The following CAAP1 variants were observed in gnomAD, a reference collection of about 807,000 sequenced individuals.
CAAP1 encodes the protein conserved anti-apoptotic protein.
Under a neutral mutation model 34.0 loss-of-function variants are expected in CAAP1, and 20 were observed. The observed-to-expected ratio is 0.59, with a 90% CI of 0.41 to 0.86. The LOEUF (loss-of-function observed/expected upper bound fraction) is 0.86, where lower values mean the gene tolerates loss of function less well. Among genes scored for constraint, CAAP1 ranks in the 40% least tolerant of loss-of-function variants. CAAP1 has a pLI of 0.00. For missense variants in CAAP1, 538 were observed against 450.5 expected, an observed-to-expected ratio of 1.19 and a Z score of -1.76; for synonymous variants, 213 against 166.7, an observed-to-expected ratio of 1.28 and a Z score of -2.14.
intron 4 of CAAP1, among the ~76,000 whole-genome samples, chr9:26,865,481 G>T (rs111650233): frequency 0.022 from 3,352 of 151,856 alleles, 122 homozygotes; most frequent in African/African-American, 0.077. Flanking sequence ...CCAAGATCAT[G>T]CCATTGCACT....
chr9:26,870,038 ACTTT>A, intron 4 of CAAP1: 2 of 570,864 alleles, frequency 3.5e-6, no homozygotes, highest in Non-Finnish European at 4.4e-6. Context: ...AGAAAGAATA[ACTTT>A]TTTTTTTTTT....
At chr9:26,865,246 G>A (rs980640116) in intron 4 of CAAP1, among the ~76,000 whole-genome samples, 5 of 152,028 alleles carry the variant, frequency 3.3e-5, no homozygotes, top group South Asian at 4.2e-4. Flanking sequence ...GAAATTTGGC[G>A]AGGGGCAGTG....
intron 1 of CAAP1, among the ~76,000 whole-genome samples, chr9:26,892,091 T>C (rs555243587): frequency 6.6e-6 from 1 of 152,164 alleles, no homozygotes; most frequent in South Asian, 2.1e-4. Context: ...AGTGTTTGGC[T>C]CGCAAGGGAA....
chr9:26,853,192 C>T (rs956355213), intron 5 of CAAP1, among the ~76,000 whole-genome samples: 5 of 152,074 alleles, frequency 3.3e-5, no homozygotes, highest in African/African-American at 1.2e-4. Flanking sequence ...ACAGTGGGAT[C>T]AGGATGGAGA....
intron 5 of CAAP1, among the ~76,000 whole-genome samples, chr9:26,860,857 C>T (rs1822987250): frequency 6.6e-6 from 1 of 152,046 alleles, no homozygotes; most frequent in Non-Finnish European, 1.5e-5. Context: ...GATGATAATT[C>T]TGGTGGCTTC....
intron 5 of CAAP1, among the ~76,000 whole-genome samples, chr9:26,855,990 C>T (rs762597570): frequency 1.3e-5 from 2 of 152,146 alleles, no homozygotes; most frequent in Non-Finnish European, 2.9e-5. Context: ...TCTCAAAATA[C>T]TGAAATCTTT....
At chr9:26,888,803 A>T (rs1486503385) in intron 1 of CAAP1, among the ~76,000 whole-genome samples, 1 of 152,250 alleles carries the variant, frequency 6.6e-6, no homozygotes, top group African/African-American at 2.4e-5. Context: ...ACTTGTTCTT[A>T]ACAGCATTAT....
intron 5 of CAAP1, among the ~76,000 whole-genome samples, chr9:26,856,691 T>C (rs1026167314): frequency 5.9e-5 from 9 of 152,210 alleles, no homozygotes; most frequent in African/African-American, 2.2e-4. Flanking sequence ...AAAAATTTTG[T>C]CTAATGATAA....
intron 5 of CAAP1, among the ~76,000 whole-genome samples, chr9:26,857,638 CAAAA>C (rs1822904785): frequency 6.6e-6 from 1 of 151,898 alleles, no homozygotes; most frequent in African/African-American, 2.4e-5. Flanking sequence ...AAAACAAAAA[CAAAA>C]AAGAAAGAAA....
At chr9:26,849,882 A>G (rs1288577233) in intron 5 of CAAP1, among the ~76,000 whole-genome samples, 1 of 150,986 alleles carries the variant, frequency 6.6e-6, no homozygotes, top group Non-Finnish European at 1.5e-5. Context: ...TCTGTCGCCC[A>G]GGCTGGAGTG....
intron 2 of CAAP1, among the ~76,000 whole-genome samples, chr9:26,886,522 G>C (rs539099147): frequency 5.0e-4 from 76 of 152,260 alleles, no homozygotes; most frequent in African/African-American, 1.8e-3. Flanking sequence ...TGTATCTTTA[G>C]ATATATGATC....
intron 5 of CAAP1, 147 bp from the exon 6 acceptor site, chr9:26,842,794 TC>T: frequency 1.7e-6 from 1 of 599,198 alleles, no homozygotes; most frequent in Non-Finnish European, 2.9e-6. Context: ...CACCCTCTTT[TC>T]CCCTGACTCC....
At chr9:26,878,346 T>C (rs1823497293) in intron 4 of CAAP1, among the ~76,000 whole-genome samples, 1 of 152,200 alleles carries the variant, frequency 6.6e-6, no homozygotes, top group South Asian at 2.1e-4. Context: ...TTTATGTATA[T>C]GGTCATTATG....
intron 5 of CAAP1, among the ~76,000 whole-genome samples, chr9:26,852,821 C>T (rs1822783274): frequency 6.6e-6 from 1 of 151,992 alleles, no homozygotes; most frequent in African/African-American, 2.4e-5. Context: ...TTAGTATCAA[C>T]TAGTTTAGAC....
At position 26,861,270 on chromosome 9, in the gene CAAP1, T is replaced by G. The variant is rs574624443; in HGVS notation, c.666-131A>C. The stretch of plus-strand genomic sequence containing the variant: ...TTCTTCTAAGCTCCCAGGGTATCAT[T>G]CAGTGTACTCTGGAAGCTCAGAAAC... On this transcript the variant is annotated intron_variant, in intron 4 of 5. Coordinates refer to ENST00000333916, the MANE Select transcript of CAAP1 (RefSeq NM_024828.4). 72 of 616,460 alleles carry G rather than the reference T, an allele frequency of 1.2e-4. No individual in the cohort carries two copies. The Admixed American group carries it at 1.7e-3, about 14-fold the overall frequency. The allele number at this position is 616,460 out of a possible 1,614,324, so 38.2% of individuals were successfully genotyped here. A position where few individuals can be genotyped will look rare whatever the true frequency, so the allele number is the denominator to read the frequency against.
chr9:26,886,703 T>C (rs910457154), intron 2 of CAAP1, among the ~76,000 whole-genome samples: 1 of 152,230 alleles, frequency 6.6e-6, no homozygotes, highest in Non-Finnish European at 1.5e-5. Flanking sequence ...ATTGTGACAT[T>C]ATTTCTTAAA....
Position 26,842,596 on chromosome 9 carries a change from C to T in CAAP1, c.791G>A (p.Ser264Asn). Reference protein sequence around the residue: ...VLSINADAYDSDIEGPCNEEA... With the variant: ...VLSINADAYDNDIEGPCNEEA... ...TTCGTTGCATGGGCCTTCTATGTCGCTGTCATAAGCATCTGCATTTATACT... is the reference window on the plus strand; with the variant it reads ...TTCGTTGCATGGGCCTTCTATGTCGTTGTCATAAGCATCTGCATTTATACT... Residue 264 changes from serine to asparagine, a missense_variant, in exon 6 of 6, where the codon AGC becomes AAC. By Grantham distance (46) the Ser-to-Asn change is conservative. This residue lies in a region of CAAP1 where 514 missense variants were observed against 408.4 expected (regional missense o/e 1.26). Coordinates refer to ENST00000333916, the MANE Select transcript of CAAP1 (RefSeq NM_024828.4). 7.4e-6 allele frequency: 12 copies of T among 1,614,118 alleles called. No individual in the cohort carries two copies. Among genetic ancestry groups the T allele is most frequent in the Non-Finnish European group, 1.0e-5 (12 of 1,180,020 alleles).
chr9:26,871,559 A>G (rs1224578189), intron 4 of CAAP1, among the ~76,000 whole-genome samples: 1 of 150,490 alleles, frequency 6.6e-6, no homozygotes, highest in Non-Finnish European at 1.5e-5. Flanking sequence ...CCTTGGTGAC[A>G]CGGCAAAACT....
At chr9:26,862,896 G>A (rs879775104) in intron 4 of CAAP1, among the ~76,000 whole-genome samples, 5 of 152,116 alleles carry the variant, frequency 3.3e-5, no homozygotes, top group Admixed American at 2.6e-4. Flanking sequence ...GTGTCATGGT[G>A]TATATAACTT....
Sources: gnomAD v4.1 joint callset for allele counts (sites outside exome capture counted in the v4.1 genomes callset) on GRCh38, gnomAD v4.1.1 for gene constraint, gnomAD v4.1.1 regional missense constraint, MANE v1.5 for transcripts, NCBI Gene and HGNC (gene_info 2026-07-23, HGNC 2026-07-21) for gene names.